ITGB4: variants seen among roughly 807,000 people sequenced by gnomAD.
The protein encoded by ITGB4 is integrin beta-4.
In ITGB4, 159 loss-of-function variants were observed where a neutral mutation model predicts 207.6. That is an observed-to-expected ratio of 0.77 (90% CI 0.67 to 0.87). The LOEUF (loss-of-function observed/expected upper bound fraction) is 0.87. Among genes scored for constraint, ITGB4 ranks in the 40% least tolerant of loss-of-function variants. The pLI is 0.00. For missense variants in ITGB4, 2,278 were observed against 2,546.8 expected (o/e 0.89, Z 2.27); for synonymous variants, 1,020 against 1,062.7 (o/e 0.96, Z 0.78).
At chr17:75,743,654 C>G in intron 25 of ITGB4, 59 bp from the exon 26 acceptor site, 1 of 1,611,220 alleles carries the variant, frequency 6.2e-7, no homozygotes, top group South Asian at 1.1e-5. Flanking sequence ...CACAGGAGAG[C>G]AGGAGGTGGG....
intron 26 of ITGB4, among the ~76,000 whole-genome samples, chr17:75,747,560 G>GT (rs987220697): frequency 2.0e-5 from 3 of 152,114 alleles, no homozygotes; most frequent in Non-Finnish European, 2.9e-5. Flanking sequence ...CCTTTATAGC[G>GT]TTTTTCCCCC....
At position 75,722,319 on chromosome 17, in the gene ITGB4, G is replaced by A. The variant is rs1364999524; in HGVS notation, c.-11+707G>A. On this transcript the variant is annotated intron_variant, in intron 1 of 39. Coordinates refer to ENST00000200181, the MANE Select transcript of ITGB4 (RefSeq NM_000213.5). This position sits in a 1 kb window ranked among gnomAD's most constrained non-coding sequence, Gnocchi z 6.2. ...CAGCCTCTGGGGTGGCCCTCTGGCT[G>A]GGACTGGGGCTCTGGGGCTCCTGGT... is the stretch of plus-strand genomic sequence containing the variant. Among the ~76,000 whole-genome samples, 1 of 152,194 alleles carries A rather than the reference G, an allele frequency of 6.6e-6. No homozygotes were observed. Among genetic ancestry groups the A allele is most frequent in the Admixed American group, 6.5e-5 (1 of 15,286 alleles).
chr17:75,750,174 T>C lies in ITGB4; in HGVS notation c.3380T>C (p.Leu1127Pro). 1 of 1,613,824 alleles carries C rather than the reference T, an allele frequency of 6.2e-7. No individual in the cohort carries two copies. The highest frequency in any genetic ancestry group is 8.5e-7 in the Non-Finnish European group (1 of 1,180,026). ...LSSQPPPHGD[L>P]GAPQNPNAKA... ...TCACAGCCACCCCCTCACGGCGACCTGGGCGCCCCGCAGAACCCCAATGCT... is the reference window on the plus strand; with the variant it reads ...TCACAGCCACCCCCTCACGGCGACCCGGGCGCCCCGCAGAACCCCAATGCT... Residue 1127 changes from leucine to proline, a missense_variant, in exon 28 of 40, where the codon CTG (leucine) becomes CCG (proline). By Grantham distance (98) the Leu-to-Pro change is moderately conservative. Transcript: ENST00000200181. The surrounding 1 kb of genome is among the most constrained non-coding windows in gnomAD (Gnocchi z 5.5).
chr17:75,737,592 C>T lies in ITGB4; in HGVS notation c.2168C>T (p.Pro723Leu), dbSNP rs758949018. The change falls in exon 18 of 40, where the codon CCG becomes CTG. Residue 723 changes from proline (P) to leucine (L), a missense_variant. By Grantham distance (98) the Pro-to-Leu change is moderately conservative (BLOSUM62 -3). Coordinates refer to ENST00000200181, the MANE Select transcript of ITGB4 (RefSeq NM_000213.5). The stretch of plus-strand genomic sequence containing the variant: ...ATCCCCCTGCTCCTCCTCCTCCTGC[C>T]GCTCCTGGCCCTGCTACTGCTGCTA... ...WLIPLLLLLL[P>L]LLALLLLLCW... 4.4e-5 allele frequency: 71 copies of T among 1,611,278 alleles called. No individual in the cohort carries two copies. The highest frequency in any genetic ancestry group is 8.8e-5 in the South Asian group (8 of 90,708).
At chr17:75,754,199 C>T (rs911375258) in intron 33 of ITGB4, among the ~76,000 whole-genome samples, 3 of 152,294 alleles carry the variant, frequency 2.0e-5, no homozygotes, top group African/African-American at 7.2e-5. Flanking sequence ...GGTGCAAATT[C>T]AGAAGTCTGC....
chr17:75,731,365 A>G lies in ITGB4; in HGVS notation c.1212A>G (p.Glu404=), dbSNP rs374254754. The part of the protein sequence containing the change: ...RTGSFHIRRG[E]VGIYQVQLRA... ...GGTCCTTTCACATCCGGCGGGGGGA[A>G]GTGGTACGCCTCTGTGGGGGCAGCG... The change falls in exon 10 of 40, where the codon GAA becomes GAG. Residue 404 remains glutamate, a synonymous_variant. Transcript: ENST00000200181. This position sits in a 1 kb window ranked among gnomAD's most constrained non-coding sequence, Gnocchi z 6.8. 1.9e-6 allele frequency: 3 copies of G among 1,608,788 alleles called. No individual in the cohort carries two copies. Among genetic ancestry groups the G allele is most frequent in the South Asian group, 2.2e-5 (2 of 90,984 alleles).
Position 75,738,357 on chromosome 17 carries a change from G to A in ITGB4, c.2220+713G>A, listed in dbSNP as rs570694862. ...TCTGCTTAGCTCAGTGTTCCTCTTT[G>A]TGCTGTCGCCACAGCATGTCCACGT... On this transcript the variant is annotated intron_variant, in intron 18 of 39. Transcript: ENST00000200181. Among the ~76,000 whole-genome samples, 12 of 152,254 alleles carry A rather than the reference G, an allele frequency of 7.9e-5. No individual in the cohort carries two copies. In the South Asian group the frequency reaches 8.3e-4, roughly 11 times the overall value.
At position 75,740,870 on chromosome 17, in the gene ITGB4, G is replaced by A. The variant is rs766733157; in HGVS notation, c.2609+19G>A. On this transcript the variant is annotated intron_variant, in intron 22 of 39. Transcript: ENST00000200181. This position sits in a 1 kb window ranked among gnomAD's most constrained non-coding sequence, Gnocchi z 5.9. ...AGTTCCGGTGAGTCCCGGGGTGCCCGGGTTGGGTGGGGGAGCCGCTCCTAC... is the reference window on the plus strand; with the variant it reads ...AGTTCCGGTGAGTCCCGGGGTGCCCAGGTTGGGTGGGGGAGCCGCTCCTAC... 6.8e-6 allele frequency: 11 copies of A among 1,613,488 alleles called. No homozygotes were observed. Among genetic ancestry groups the A allele is most frequent in the Admixed American group, 6.7e-5 (4 of 60,010 alleles).
rs1599314533 is a variant in ITGB4, at chr17:75,754,835, C to T, written c.4558+20C>T. ...CCCACGGTGAGTGACCTCAGCCAACCCTGCCTCTCCCACTAACCCTTCCTC... is the reference window on the plus strand; with the variant it reads ...CCCACGGTGAGTGACCTCAGCCAACTCTGCCTCTCCCACTAACCCTTCCTC... On this transcript the variant is annotated intron_variant, in intron 34 of 39. Transcript: ENST00000200181. 1 of 1,613,990 alleles carries T rather than the reference C, an allele frequency of 6.2e-7. No individual in the cohort carries two copies. The highest frequency in any genetic ancestry group is 2.2e-5 in the East Asian group (1 of 44,880).
intron 1 of ITGB4, among the ~76,000 whole-genome samples, chr17:75,723,254 G>T (rs965943258): frequency 6.6e-6 from 1 of 152,118 alleles, no homozygotes; most frequent in Non-Finnish European, 1.5e-5. Flanking sequence ...ATCTCCCGCC[G>T]GGCTCCTGTG....
intron 26 of ITGB4, among the ~76,000 whole-genome samples, chr17:75,746,929 CAAA>C (rs56351330): frequency 1.6e-4 from 11 of 70,854 alleles, no homozygotes; most frequent in Admixed American, 4.4e-4. Context: ...ACCCCTGTCT[CAAA>C]AAAAAAAAAA....
At chr17:75,736,007 G>A in intron 13 of ITGB4, 44 bp from the exon 14 acceptor site, 2 of 1,586,476 alleles carry the variant, frequency 1.3e-6, no homozygotes, top group South Asian at 2.2e-5. Context: ...TGGACTACAG[G>A]CACAGATGTA....
At chr17:75,743,571 G>A in intron 25 of ITGB4, 142 bp from the exon 26 acceptor site, 1 of 1,122,888 alleles carries the variant, frequency 8.9e-7, no homozygotes, top group Non-Finnish European at 1.3e-6. Context: ...TTTCGCTCCT[G>A]TGCCCTTCCC....
At chr17:75,728,566 C>A in intron 6 of ITGB4, 93 bp downstream of exon 6, 1 of 1,011,254 alleles carries the variant, frequency 9.9e-7, no homozygotes, top group Non-Finnish European at 1.5e-6. Flanking sequence ...TATCCTTCTA[C>A]GGCTGGGCAC....
Position 75,731,842 on chromosome 17 carries a change from GAGCACGTGGATGGGAC to G in ITGB4, c.1247_1262del (p.Glu416GlyfsTer16). 1 of 1,610,468 alleles carries G rather than the reference GAGCACGTGGATGGGAC, an allele frequency of 6.2e-7. No individual in the cohort carries two copies. Among genetic ancestry groups the G allele is most frequent in the Non-Finnish European group, 8.5e-7 (1 of 1,178,526 alleles). On this transcript the variant is annotated frameshift_variant, in exon 11 of 40. Transcript: ENST00000200181. LOFTEE classifies it high-confidence loss of function. The surrounding 1 kb of genome is among the most constrained non-coding windows in gnomAD (Gnocchi z 6.8). ...ATACCAGGTGCAGCTGCGGGCCCTT[GAGCACGTGGATGGGAC>G]GCACGTGTGCCAGCTGCCGGAGGAC...
chr17:75,743,494 A>C (rs2061163445), intron 25 of ITGB4, among the ~76,000 whole-genome samples: 1 of 152,140 alleles, frequency 6.6e-6, no homozygotes, highest in African/African-American at 2.4e-5. Flanking sequence ...CAGCCTCCCA[A>C]AGTGCTGGGA....
rs761588962 is a variant in ITGB4 at position 75,757,612 on chromosome 17, C to T, written c.*57C>T. On this transcript the variant is annotated 3_prime_UTR_variant, in exon 40 of 40. Coordinates refer to ENST00000200181, the MANE Select transcript of ITGB4 (RefSeq NM_000213.5). Reference sequence around the variant, plus strand: ...CTAGGCGTCCTCCCGACTCCTCTCCCGGAGCCTCCTCAGCTACTCCATCCT... The same window carrying T: ...CTAGGCGTCCTCCCGACTCCTCTCCTGGAGCCTCCTCAGCTACTCCATCCT... 2.6e-5 allele frequency: 42 copies of T among 1,607,612 alleles called. No homozygotes were observed. The highest frequency in any genetic ancestry group is 1.9e-4 in the South Asian group (17 of 90,974).
rs1169599090 is a variant in ITGB4, at chr17:75,722,069, G to A, written c.-11+457G>A. On this transcript the variant is annotated intron_variant, in intron 1 of 39. Transcript: ENST00000200181. The surrounding 1 kb of genome is among the most constrained non-coding windows in gnomAD (Gnocchi z 6.2). ...TTAAAAGCCACCCTGAGAGGCAGAC[G>A]CCATCCCGGCTCCAGGCAGGGCTTG... Among the ~76,000 whole-genome samples the A allele has an allele frequency of 6.6e-6, 1 of 152,184 alleles. No individual in the cohort carries two copies. Among genetic ancestry groups the A allele is most frequent in the East Asian group, 1.9e-4 (1 of 5,196 alleles).
At position 75,741,142 on chromosome 17, in the gene ITGB4, C is replaced by G. The variant is rs1269580673; in HGVS notation, c.2633+137C>G. The G allele has an allele frequency of 3.1e-6, 3 of 961,998 alleles. No individual in the cohort carries two copies. In the East Asian group the frequency reaches 7.8e-5, roughly 25 times the overall value. 59.6% of individuals were successfully genotyped at this position (961,998 alleles called of 1,614,324 possible). A position where few individuals can be genotyped will look rare whatever the true frequency, so the allele number is the denominator to read the frequency against. On this transcript the variant is annotated intron_variant, in intron 23 of 39. Coordinates refer to ENST00000200181, the MANE Select transcript of ITGB4 (RefSeq NM_000213.5). ...TCAGATGTGTCCGTCAGGTTCGGAC[C>G]TTCATTCGTTCCTTTGACCATTTCT...
Sources: allele counts gnomAD v4.1 joint callset (sites outside exome capture counted in the v4.1 genomes callset), GRCh38; gene constraint gnomAD v4.1.1; non-coding constraint Gnocchi (gnomAD v3.1); transcripts MANE v1.5; gene names NCBI Gene and HGNC (gene_info 2026-07-23, HGNC 2026-07-21).